The following EXOC4 variants were observed in gnomAD, a reference collection of about 807,000 sequenced individuals.
EXOC4 encodes the protein exocyst complex component 4.
In EXOC4, 71 loss-of-function variants were observed where a neutral mutation model predicts 107.2. That is an observed-to-expected ratio of 0.66 (90% CI 0.55 to 0.81). EXOC4 has a LOEUF of 0.81. EXOC4 is among the 30% of genes least tolerant of loss of function. The pLI is 0.00. For synonymous variants in EXOC4, 456 were observed against 441.2 expected, an observed-to-expected ratio of 1.03 and a Z score of -0.42; for missense variants, 1,108 against 1,189.6, an observed-to-expected ratio of 0.93 and a Z score of 1.01.
rs564793993 is a variant in EXOC4, at chr7:133,450,024, CT to C, written c.1183-25301del. On this transcript the variant is annotated intron_variant, in intron 7 of 17. Coordinates refer to ENST00000253861, the MANE Select transcript of EXOC4 (RefSeq NM_021807.4). ...AATTCTTCTCTTTCCCTTGTCCCCT[CT>C]TTAAAAAAAATCTTATCCTGGTATC... Among the ~76,000 whole-genome samples the C allele has an allele frequency of 2.0e-3, 309 of 152,172 alleles. 2 individuals are homozygous for C. The highest frequency in any genetic ancestry group is 7.2e-3 in the African/African-American group (297 of 41,532).
chr7:133,564,339 G>C (rs1186226758), intron 9 of EXOC4, among the ~76,000 whole-genome samples: 1 of 151,994 alleles, frequency 6.6e-6, no homozygotes, highest in African/African-American at 2.4e-5. Context: ...AATCTCATGA[G>C]AACTCACTCA....
chr7:133,298,993 T>C (rs893814871), intron 3 of EXOC4, among the ~76,000 whole-genome samples: 2 of 152,160 alleles, frequency 1.3e-5, no homozygotes, highest in South Asian at 4.1e-4. Context: ...AGGCACATGC[T>C]CCCAGTGTAT....
intron 9 of EXOC4, among the ~76,000 whole-genome samples, chr7:133,577,086 T>C (rs1385928352): frequency 6.6e-6 from 1 of 152,174 alleles, no homozygotes; most frequent in Non-Finnish European, 1.5e-5. Flanking sequence ...GTGTGAGTTA[T>C]GATAGACGCA....
chr7:133,768,633 C>T (rs1383352017), intron 10 of EXOC4, among the ~76,000 whole-genome samples: 1 of 151,982 alleles, frequency 6.6e-6, no homozygotes, highest in African/African-American at 2.4e-5. Flanking sequence ...AAATTTGTAT[C>T]TGGTTCATAG....
intron 9 of EXOC4, among the ~76,000 whole-genome samples, chr7:133,604,706 CTTTCTTTTTTTTTTT>C (rs1258902278): frequency 3.3e-4 from 29 of 87,558 alleles, no homozygotes; most frequent in African/African-American, 7.5e-4. Flanking sequence ...TTCCTTCCTT[CTTTCTTTTTTTTTTT>C]TTTTTTTTTT....
chr7:133,557,905 C>A (rs1221793162), intron 9 of EXOC4, among the ~76,000 whole-genome samples: 1 of 152,132 alleles, frequency 6.6e-6, no homozygotes, highest in Non-Finnish European at 1.5e-5. Flanking sequence ...GCAGGAGAAT[C>A]ATTTGAACCC....
chr7:134,028,600 T>C (rs1038990602), intron 17 of EXOC4, among the ~76,000 whole-genome samples: 11 of 152,202 alleles, frequency 7.2e-5, no homozygotes, highest in African/African-American at 2.7e-4. Context: ...TCTCTGTCGC[T>C]AGCAATGGGC....
At chr7:133,571,223 T>G (rs1410489633) in intron 9 of EXOC4, among the ~76,000 whole-genome samples, 1 of 152,180 alleles carries the variant, frequency 6.6e-6, no homozygotes, top group Non-Finnish European at 1.5e-5. Context: ...TAAGCCCCTT[T>G]GATGGGGCTT....
At chr7:133,831,154 G>A (rs1459193955) in intron 11 of EXOC4, among the ~76,000 whole-genome samples, 2 of 152,056 alleles carry the variant, frequency 1.3e-5, no homozygotes, top group East Asian at 1.9e-4. Context: ...TAGTAGAGAC[G>A]GGGTTTCACC....
At chr7:133,725,851 T>G (rs1795204036) in intron 10 of EXOC4, among the ~76,000 whole-genome samples, 1 of 152,224 alleles carries the variant, frequency 6.6e-6, no homozygotes, top group Admixed American at 6.5e-5. Context: ...ATGACCAGGC[T>G]TATTTCAAAG....
chr7:133,833,976 C>T (rs1026586848), intron 11 of EXOC4, among the ~76,000 whole-genome samples: 7 of 151,996 alleles, frequency 4.6e-5, no homozygotes, highest in Admixed American at 3.3e-4. Flanking sequence ...GTATGTTTAC[C>T]GCCTAGCAGA....
At chr7:133,652,462 C>G (rs927062555) in intron 10 of EXOC4, among the ~76,000 whole-genome samples, 1 of 151,122 alleles carries the variant, frequency 6.6e-6, no homozygotes, top group Non-Finnish European at 1.5e-5. Context: ...AAAAAACAAC[C>G]AAACCTCAGT....
chr7:133,794,754 G>A (rs1796777101), intron 10 of EXOC4, among the ~76,000 whole-genome samples: 1 of 151,830 alleles, frequency 6.6e-6, no homozygotes, highest in Admixed American at 6.6e-5. Flanking sequence ...GCCCTATTGA[G>A]TGAGCATCTC....
chr7:133,883,970 A>G (rs1799023126), intron 11 of EXOC4, among the ~76,000 whole-genome samples: 2 of 152,254 alleles, frequency 1.3e-5, no homozygotes, highest in African/African-American at 2.4e-5. Flanking sequence ...CATAGTTATT[A>G]TCATTGTTTA....
the EXOC4 span, among the ~76,000 whole-genome samples, chr7:134,086,202 A>T: frequency 1.3e-5 from 2 of 152,186 alleles, no homozygotes; most frequent in African/African-American, 4.8e-5. Context: ...AACAGTAAAA[A>T]CAACAAAACA....
chr7:134,010,411 A>G (rs1214228154), intron 17 of EXOC4: 1 of 152,138 alleles, frequency 6.6e-6, no homozygotes, highest in Non-Finnish European at 1.5e-5. Flanking sequence ...CAGAAACCAT[A>G]TTGTAGCCCT....
intron 17 of EXOC4, among the ~76,000 whole-genome samples, chr7:134,043,798 T>G (rs1303552257): frequency 6.6e-6 from 1 of 152,076 alleles, no homozygotes; most frequent in Non-Finnish European, 1.5e-5. Context: ...GAGAAGGAAG[T>G]GTAAAGAGAG....
At chr7:133,846,797 G>A (rs547766201) in intron 11 of EXOC4, among the ~76,000 whole-genome samples, 7 of 152,320 alleles carry the variant, frequency 4.6e-5, no homozygotes, top group East Asian at 1.9e-4. Context: ...CCCTCAGGCC[G>A]TACTTTGCTG....
At chr7:134,066,488 C>G (rs1796179909), downstream of EXOC4, 1 of 152,158 alleles carries the variant, frequency 6.6e-6, no homozygotes, top group Non-Finnish European at 1.5e-5. Context: ...AATGACGGGA[C>G]TGAAAATGGC....
Sources: allele counts gnomAD v4.1 joint callset (sites outside exome capture counted in the v4.1 genomes callset), GRCh38; gene constraint gnomAD v4.1.1; transcripts MANE v1.5; gene names NCBI Gene and HGNC (gene_info 2026-07-23, HGNC 2026-07-21).